Variants in FCHSD2 observed in about 807,000 individuals in gnomAD.
FCHSD2 encodes FCH and double SH3 domains 2, also known as F-BAR and double SH3 domains protein 2.
FCHSD2 carries 38 observed loss-of-function variants against 108.1 expected under a neutral mutation model. The observed-to-expected ratio is 0.35, with a 90% CI of 0.27 to 0.46. The LOEUF is 0.46. FCHSD2 is among the 20% of genes least tolerant of loss of function. The pLI, the probability that FCHSD2 is intolerant of heterozygous loss-of-function variation, is 1.00. For missense variants in FCHSD2, 751 were observed against 897.8 expected, an observed-to-expected ratio of 0.84 and a Z score of 2.09; for synonymous variants, 279 against 314.7, an observed-to-expected ratio of 0.89 and a Z score of 1.20.
intron 13 of FCHSD2, among the ~76,000 whole-genome samples, chr11:72,857,192 G>A (rs989668140): frequency 1.2e-4 from 18 of 152,170 alleles, no homozygotes; most frequent in Non-Finnish European, 2.1e-4. Context: ...CTTCTGCATT[G>A]CTCTAGCTGC....
intron 3 of FCHSD2, among the ~76,000 whole-genome samples, chr11:73,061,991 CT>C (rs1191184742): frequency 2.0e-5 from 3 of 152,166 alleles, no homozygotes; most frequent in Non-Finnish European, 4.4e-5. Flanking sequence ...AAGTGGGTCC[CT>C]GACCCCTGTT....
chr11:72,893,205 T>A (rs555977069), intron 10 of FCHSD2, among the ~76,000 whole-genome samples: 1 of 152,198 alleles, frequency 6.6e-6, no homozygotes, highest in East Asian at 1.9e-4. Context: ...TTTTGCTATG[T>A]TGGCCAGGCT....
intron 2 of FCHSD2, among the ~76,000 whole-genome samples, chr11:73,117,033 T>C (rs1016113978): frequency 1.4e-4 from 22 of 152,186 alleles, no homozygotes; most frequent in African/African-American, 5.1e-4. Context: ...GTTTTCTGTA[T>C]CATATTGGTC....
At chr11:73,001,391 A>C (rs1857622767) in intron 4 of FCHSD2, among the ~76,000 whole-genome samples, 1 of 152,214 alleles carries the variant, frequency 6.6e-6, no homozygotes, top group Non-Finnish European at 1.5e-5. Flanking sequence ...AGAATTACAA[A>C]GCTAACACTA....
At chr11:73,025,178 T>C (rs758265850) in intron 3 of FCHSD2, among the ~76,000 whole-genome samples, 19 of 152,078 alleles carry the variant, frequency 1.2e-4, no homozygotes, top group Non-Finnish European at 2.4e-4. Context: ...ATTATAAAGA[T>C]ACATGCACAC....
At chr11:73,108,434 C>T (rs1213763895) in intron 2 of FCHSD2, among the ~76,000 whole-genome samples, 1 of 152,214 alleles carries the variant, frequency 6.6e-6, no homozygotes, top group Admixed American at 6.5e-5. Flanking sequence ...TTCACTTTTG[C>T]TAGGTTGCCT....
chr11:72,957,083 G>A (rs1359536309), intron 8 of FCHSD2, among the ~76,000 whole-genome samples: 1 of 149,108 alleles, frequency 6.7e-6, no homozygotes, highest in East Asian at 2.0e-4. Flanking sequence ...TGCACATTGT[G>A]CAGGTTAATT....
intron 3 of FCHSD2, among the ~76,000 whole-genome samples, chr11:73,043,734 A>T (rs1349494019): frequency 6.6e-6 from 1 of 152,194 alleles, no homozygotes; most frequent in Non-Finnish European, 1.5e-5. Flanking sequence ...AAATATTAAG[A>T]GATATGATAT....
chr11:73,095,394 T>C (rs1051147026), intron 2 of FCHSD2, among the ~76,000 whole-genome samples: 7 of 152,144 alleles, frequency 4.6e-5, no homozygotes, highest in African/African-American at 1.7e-4. Context: ...TTTCAGTAAA[T>C]GAATGTGCAA....
At position 73,104,886 on chromosome 11, in the gene FCHSD2, A is replaced by G. The variant is rs1860305909; in HGVS notation, c.120-21146T>C. On this transcript the variant is annotated intron_variant, in intron 2 of 19. Coordinates refer to ENST00000409418, the MANE Select transcript of FCHSD2 (RefSeq NM_014824.3). ...TTTACTAATTGAAAGCAAGAGAGCT[A>G]TAGTACCAAATGGTGAAAATCTATA... Among the ~76,000 whole-genome samples, 6 of 152,202 alleles carry G rather than the reference A, an allele frequency of 3.9e-5. No homozygotes were observed. In the South Asian group the frequency reaches 1.2e-3, roughly 31 times the overall value.
chr11:73,124,847 C>G (rs1860816744), intron 2 of FCHSD2, among the ~76,000 whole-genome samples: 1 of 151,794 alleles, frequency 6.6e-6, no homozygotes, highest in African/African-American at 2.4e-5. Flanking sequence ...AAGATAATTA[C>G]AGACACTATA....
intron 12 of FCHSD2, among the ~76,000 whole-genome samples, chr11:72,879,961 C>G (rs1208920181): frequency 3.6e-5 from 5 of 139,476 alleles, no homozygotes; most frequent in African/African-American, 1.3e-4. Flanking sequence ...ATCGCGCCAT[C>G]GCATTCCAGC....
chr11:73,039,694 G>A (rs1858587112), intron 3 of FCHSD2, among the ~76,000 whole-genome samples: 1 of 152,150 alleles, frequency 6.6e-6, no homozygotes, highest in Non-Finnish European at 1.5e-5. Flanking sequence ...AAATTCACAG[G>A]TGAGTCACTG....
chr11:73,104,708 A>C (rs2135536515), intron 2 of FCHSD2, among the ~76,000 whole-genome samples: 1 of 152,192 alleles, frequency 6.6e-6, no homozygotes, highest in East Asian at 1.9e-4. Context: ...AGCTGGGACC[A>C]CAGGCACGTG....
intron 4 of FCHSD2, among the ~76,000 whole-genome samples, chr11:73,009,803 GCTTT>G (rs1857822622): frequency 6.6e-6 from 1 of 151,858 alleles, no homozygotes; most frequent in Non-Finnish European, 1.5e-5. Flanking sequence ...GTTACTGCAT[GCTTT>G]TTTTCTTGCT....
chr11:73,051,004 T>G (rs960379650), intron 3 of FCHSD2, among the ~76,000 whole-genome samples: 1 of 152,186 alleles, frequency 6.6e-6, no homozygotes, highest in African/African-American at 2.4e-5. Flanking sequence ...AGTTAGTTTG[T>G]TATCTATAAT....
chr11:72,843,129 A>C, intron 16 of FCHSD2, 22 bp downstream of exon 16: 1 of 1,612,170 alleles, frequency 6.2e-7, no homozygotes, highest in Non-Finnish European at 8.5e-7. Flanking sequence ...CCAAATAAAG[A>C]GTGCCTTGTT....
At chr11:72,970,078 A>G (rs1050864666) in intron 8 of FCHSD2, among the ~76,000 whole-genome samples, 2 of 152,226 alleles carry the variant, frequency 1.3e-5, no homozygotes, top group African/African-American at 4.8e-5. Context: ...AATGAACCCA[A>G]CTTGCTGTTT....
intron 2 of FCHSD2, among the ~76,000 whole-genome samples, chr11:73,087,243 T>C (rs907814565): frequency 6.6e-6 from 1 of 152,094 alleles, no homozygotes; most frequent in South Asian, 2.1e-4. Context: ...TTTGTAAAAA[T>C]AGTCAAAAGC....
Sources: gnomAD v4.1 joint callset for allele counts (sites outside exome capture counted in the v4.1 genomes callset) on GRCh38, gnomAD v4.1.1 for gene constraint, MANE v1.5 for transcripts, NCBI Gene and HGNC (gene_info 2026-07-23, HGNC 2026-07-21) for gene names.